CTNNA1: variants seen among roughly 807,000 people sequenced by gnomAD.
CTNNA1 encodes the protein catenin alpha-1.
In CTNNA1, 37 loss-of-function variants were observed where a neutral mutation model predicts 98.4. That is an observed-to-expected ratio of 0.38 (90% CI 0.29 to 0.49). The LOEUF (loss-of-function observed/expected upper bound fraction) is 0.49. Ranked by LOEUF, CTNNA1 falls within the 20% of genes least tolerant of loss-of-function variation. CTNNA1 has a pLI of 0.95. For synonymous variants in CTNNA1, 404 were observed against 413.2 expected, an observed-to-expected ratio of 0.98 and a Z score of 0.27; for missense variants, 761 against 1,147.2, an observed-to-expected ratio of 0.66 and a Z score of 4.86.
chr5:138,870,428 G>A (rs1765230035), intron 7 of CTNNA1: 2 of 152,158 alleles, frequency 1.3e-5, no homozygotes, highest in South Asian at 4.1e-4. Flanking sequence ...AAAAATGGAA[G>A]GCAAAAAATT....
chr5:138,863,847 T>G (rs1259964665), intron 7 of CTNNA1, among the ~76,000 whole-genome samples: 1 of 152,232 alleles, frequency 6.6e-6, no homozygotes, highest in Admixed American at 6.5e-5. Context: ...GTACTGCTGA[T>G]TGATTGGGCT....
chr5:138,807,155 C>T (rs1487097181), intron 3 of CTNNA1, among the ~76,000 whole-genome samples: 2 of 151,726 alleles, frequency 1.3e-5, no homozygotes, highest in Non-Finnish European at 2.9e-5. Flanking sequence ...GGATTACAGG[C>T]ACCTGCCACC....
intron 11 of CTNNA1, among the ~76,000 whole-genome samples, chr5:138,922,188 T>C (rs1763054143): frequency 6.6e-6 from 1 of 152,216 alleles, no homozygotes; most frequent in African/African-American, 2.4e-5. Context: ...GGTACCATAC[T>C]TCTACTTTAA....
At chr5:138,896,424 C>T (rs1034197140) in intron 9 of CTNNA1, among the ~76,000 whole-genome samples, 2 of 152,114 alleles carry the variant, frequency 1.3e-5, no homozygotes, top group Non-Finnish European at 2.9e-5. Flanking sequence ...GCAGAATATT[C>T]GCCATGAGAT....
At chr5:138,840,936 T>A (rs575518457) in intron 7 of CTNNA1, among the ~76,000 whole-genome samples, 1 of 152,324 alleles carries the variant, frequency 6.6e-6, no homozygotes, top group Admixed American at 6.5e-5. Flanking sequence ...AGGATGCCAT[T>A]CTGCTTTTCA....
chr5:138,912,695 T>C (rs1760907384), intron 10 of CTNNA1, among the ~76,000 whole-genome samples: 1 of 152,182 alleles, frequency 6.6e-6, no homozygotes, highest in Non-Finnish European at 1.5e-5. Context: ...ATCAGTACAG[T>C]GATCGTGCCT....
At chr5:138,764,737 C>CT (rs1466123046) in intron 1 of CTNNA1, among the ~76,000 whole-genome samples, 2 of 151,902 alleles carry the variant, frequency 1.3e-5, no homozygotes, top group African/African-American at 4.8e-5. Flanking sequence ...TCCCAAAGTG[C>CT]TGGGATTATA....
intron 10 of CTNNA1, among the ~76,000 whole-genome samples, chr5:138,911,362 C>G (rs1359621599): frequency 3.9e-5 from 6 of 152,072 alleles, no homozygotes; most frequent in Non-Finnish European, 5.9e-5. Context: ...TCCCTAAGCC[C>G]AGGAATGTAT....
intron 4 of CTNNA1, among the ~76,000 whole-genome samples, chr5:138,810,741 T>C (rs906118800): frequency 1.3e-5 from 2 of 151,834 alleles, no homozygotes; most frequent in Admixed American, 6.6e-5. Flanking sequence ...TCCCCACCTT[T>C]CCCCCCTTTC....
chr5:138,792,847 A>G (rs963918835), intron 3 of CTNNA1, among the ~76,000 whole-genome samples: 1 of 152,258 alleles, frequency 6.6e-6, no homozygotes, highest in Non-Finnish European at 1.5e-5. Context: ...TTAGCTTTTC[A>G]GATTAGTACA....
At chr5:138,755,258 G>T (rs909975481) in intron 1 of CTNNA1, 3 of 152,158 alleles carry the variant, frequency 2.0e-5, no homozygotes, top group African/African-American at 7.2e-5. Context: ...CGGAGAGGGG[G>T]CTAATAAGTT....
intron 7 of CTNNA1, among the ~76,000 whole-genome samples, chr5:138,854,191 C>T (rs1437605930): frequency 6.6e-6 from 1 of 151,972 alleles, no homozygotes; most frequent in Admixed American, 6.6e-5. Flanking sequence ...TGGATATCTG[C>T]GAATTATTTA....
At chr5:138,850,890 A>C (rs1372395321) in intron 7 of CTNNA1, among the ~76,000 whole-genome samples, 1 of 152,224 alleles carries the variant, frequency 6.6e-6, no homozygotes, top group African/African-American at 2.4e-5. Flanking sequence ...TTGGTGATTG[A>C]TATTAGTTTC....
At position 138,782,168 on chromosome 5, in the gene CTNNA1, A is replaced by C. The variant is rs898668784; in HGVS notation, c.105+139A>C. On this transcript the variant is annotated intron_variant, in intron 2 of 17. Transcript: ENST00000302763. ...TAGGTGACAGTTCTTAGATGATTTG[A>C]ATATTGATGCATGGGTTTAGTTAAC... The C allele has an allele frequency of 1.4e-5, 11 of 805,358 alleles. No homozygotes were observed. The African/African-American group carries it at 1.6e-4, about 12-fold the overall frequency. The allele number at this position is 805,358 out of a possible 1,614,324, so 49.9% of individuals were successfully genotyped here.
chr5:138,916,582 G>A (rs1358023556), intron 10 of CTNNA1, among the ~76,000 whole-genome samples: 1 of 151,282 alleles, frequency 6.6e-6, no homozygotes, highest in Non-Finnish European at 1.5e-5. Context: ...GAGTGCAGTG[G>A]TGTGATCACA....
intron 9 of CTNNA1, among the ~76,000 whole-genome samples, chr5:138,890,602 C>G (rs371570879): frequency 6.6e-6 from 1 of 152,210 alleles, no homozygotes; most frequent in African/African-American, 2.4e-5. Context: ...AATCAAGGTT[C>G]ATCATCCTCT....
intron 1 of CTNNA1, among the ~76,000 whole-genome samples, chr5:138,759,132 T>C (rs1752038732): frequency 6.6e-6 from 1 of 152,236 alleles, no homozygotes; most frequent in Non-Finnish European, 1.5e-5. Context: ...GTTAATTTTT[T>C]TTTTCTTTTA....
At chr5:138,933,696 C>G in intron 17 of CTNNA1, 106 bp from the exon 18 acceptor site, 2 of 1,197,682 alleles carry the variant, frequency 1.7e-6, no homozygotes, top group Non-Finnish European at 2.3e-6. Context: ...TGCCCAGGCC[C>G]TGGTCTTGCA....
At chr5:138,867,728 C>T (rs1764922708) in intron 7 of CTNNA1, among the ~76,000 whole-genome samples, 1 of 150,602 alleles carries the variant, frequency 6.6e-6, no homozygotes, top group Non-Finnish European at 1.5e-5. Context: ...TGTATTTTCT[C>T]TTATGATTTT....
Sources: allele counts gnomAD v4.1 joint callset (sites outside exome capture counted in the v4.1 genomes callset), GRCh38; gene constraint gnomAD v4.1.1; transcripts MANE v1.5; gene names NCBI Gene and HGNC (gene_info 2026-07-23, HGNC 2026-07-21).